The following CDKL4 variants were observed in gnomAD, a reference collection of about 807,000 sequenced individuals.
The protein encoded by CDKL4 is cyclin-dependent kinase-like 4.
CDKL4 carries 44 observed loss-of-function variants against 42.0 expected under a neutral mutation model. The observed-to-expected ratio is 1.05, with a 90% CI of 0.82 to 1.35. The LOEUF (loss-of-function observed/expected upper bound fraction) is 1.35. Among genes scored for constraint, CDKL4 ranks in the 40% most tolerant of loss-of-function variants. CDKL4 has a pLI of 0.00. For synonymous variants in CDKL4, 120 were observed against 121.6 expected (o/e 0.99, Z 0.09); for missense variants, 393 against 369.9 (o/e 1.06, Z -0.51).
At chr2:39,211,214 C>A (rs919148152) in intron 4 of CDKL4, among the ~76,000 whole-genome samples, 6 of 152,102 alleles carry the variant, frequency 3.9e-5, no homozygotes, top group Non-Finnish European at 5.9e-5. Context: ...GATAGTGAGA[C>A]CCCCATCTCT....
chr2:39,196,771 C>A (rs1017647092), intron 5 of CDKL4, among the ~76,000 whole-genome samples: 2 of 152,146 alleles, frequency 1.3e-5, no homozygotes, highest in Non-Finnish European at 2.9e-5. Context: ...CCACGCCCGG[C>A]TAATTTTTGA....
At position 39,214,150 on chromosome 2, in the gene CDKL4, C is replaced by T. The variant is rs139769295; in HGVS notation, c.291-678G>A. ...GTTGGCCAGGCTGGTCTTGAACTCT[C>T]GACCTCAGATGATCCACCTGCCTCG... is the stretch of plus-strand genomic sequence containing the variant. On this transcript the variant is annotated intron_variant, in intron 3 of 9. Coordinates refer to ENST00000451199, the Ensembl canonical transcript of CDKL4. 7.5e-3 allele frequency among the ~76,000 whole-genome samples: 1,139 copies of T among 152,110 alleles called. 14 individuals are homozygous for T. The highest frequency in any genetic ancestry group is 0.026 in the African/African-American group (1,085 of 41,502).
the CDKL4 span, among the ~76,000 whole-genome samples, chr2:39,169,639 A>G: frequency 5.9e-5 from 9 of 152,154 alleles, no homozygotes; most frequent in Admixed American, 5.2e-4. Flanking sequence ...CTACTCTCTT[A>G]TTTTACAAAT....
At chr2:39,235,272 T>C (rs1400471689) in intron 1 of CDKL4, among the ~76,000 whole-genome samples, 2 of 152,154 alleles carry the variant, frequency 1.3e-5, no homozygotes, top group African/African-American at 4.8e-5. Context: ...AAGAGTTGAC[T>C]GGAAAAATTT....
At chr2:39,207,609 G>A (rs1677283641) in intron 4 of CDKL4, among the ~76,000 whole-genome samples, 1 of 152,256 alleles carries the variant, frequency 6.6e-6, no homozygotes, top group South Asian at 2.1e-4. Context: ...ATCAATATCT[G>A]TCCATTGGCC....
chr2:39,243,113 C>CAAAAAAAAAA (rs57132937), intron 1 of CDKL4, among the ~76,000 whole-genome samples: 7 of 38,444 alleles, frequency 1.8e-4, no homozygotes, highest in Non-Finnish European at 2.4e-4. Context: ...GACCCTGTCT[C>CAAAAAAAAAA]AAAAAAAAAA....
At chr2:39,194,816 CATA>C (rs767840925) in intron 5 of CDKL4, among the ~76,000 whole-genome samples, 64 of 152,222 alleles carry the variant, frequency 4.2e-4, no homozygotes, top group Middle Eastern at 3.4e-3. Context: ...GTAAAATACA[CATA>C]ATATAAAATT....
At chr2:39,195,844 G>A (rs1676483788) in intron 5 of CDKL4, among the ~76,000 whole-genome samples, 1 of 151,812 alleles carries the variant, frequency 6.6e-6, no homozygotes, top group Non-Finnish European at 1.5e-5. Context: ...CTATTCTGAT[G>A]GCTTCTGAGG....
At chr2:39,198,009 T>C (rs996066996) in intron 5 of CDKL4, among the ~76,000 whole-genome samples, 1 of 152,068 alleles carries the variant, frequency 6.6e-6, no homozygotes, top group Non-Finnish European at 1.5e-5. Context: ...TGGATGTAAA[T>C]GGCTTAAATG....
intron 3 of CDKL4, among the ~76,000 whole-genome samples, chr2:39,223,695 C>T (rs1678519755): frequency 6.6e-6 from 1 of 151,012 alleles, no homozygotes; most frequent in Non-Finnish European, 1.5e-5. Context: ...TCACTGCAGC[C>T]TTCACCTCTT....
intron 5 of CDKL4, among the ~76,000 whole-genome samples, chr2:39,200,453 A>C (rs1393320553): frequency 6.6e-6 from 1 of 151,970 alleles, no homozygotes; most frequent in African/African-American, 2.4e-5. Context: ...CCATCAAAAT[A>C]CCCCCATCAT....
intron 9 of CDKL4, chr2:39,178,928 T>C: frequency 6.9e-7 from 1 of 1,448,332 alleles, no homozygotes; most frequent in African/African-American, 1.4e-5. Context: ...GGGTGGGATA[T>C]CCAATCAGAG....
At chr2:39,203,998 T>C (rs1677008643) in intron 5 of CDKL4, among the ~76,000 whole-genome samples, 1 of 152,184 alleles carries the variant, frequency 6.6e-6, no homozygotes, top group African/African-American at 2.4e-5. Flanking sequence ...AAGTTCTAGA[T>C]TGAGGGAGAA....
intron 7 of CDKL4, 87 bp downstream of exon 7, chr2:39,187,540 A>T: frequency 2.1e-6 from 2 of 937,680 alleles, no homozygotes; most frequent in Non-Finnish European, 3.2e-6. Flanking sequence ...GTGAGACATC[A>T]TCTCAAAATA....
At chr2:39,180,844 C>T (rs774697068) in intron 8 of CDKL4, among the ~76,000 whole-genome samples, 5 of 152,148 alleles carry the variant, frequency 3.3e-5, no homozygotes, top group Non-Finnish European at 7.3e-5. Context: ...GCATGCACCA[C>T]CATGCTGAGT....
At chr2:39,208,195 C>T (rs1677328772) in intron 4 of CDKL4, among the ~76,000 whole-genome samples, 1 of 152,112 alleles carries the variant, frequency 6.6e-6, no homozygotes, top group African/African-American at 2.4e-5. Flanking sequence ...GATGCTTAGA[C>T]ATACAGCATT....
At chr2:39,185,155 T>C (rs1464425371) in intron 7 of CDKL4, among the ~76,000 whole-genome samples, 1 of 137,132 alleles carries the variant, frequency 7.3e-6, no homozygotes, top group Admixed American at 7.5e-5. Flanking sequence ...TGTGTATATA[T>C]ATACACATAT....
chr2:39,232,932 C>T (rs957786721), intron 1 of CDKL4, among the ~76,000 whole-genome samples: 2 of 150,732 alleles, frequency 1.3e-5, no homozygotes, highest in African/African-American at 4.9e-5. Context: ...GTAGTCCCAG[C>T]TACTCAGGAG....
In CDKL4 at chr2:39,216,153, A is replaced by G. The variant is rs114425267; in HGVS notation, c.291-2681T>C. ...ACCTTCAATTTTCCTCATGTGTAAT[A>G]CTAGAATAATATCTTATAAGTTATT... On this transcript the variant is annotated intron_variant, in intron 3 of 9. Transcript: ENST00000451199. 7.3e-3 allele frequency among the ~76,000 whole-genome samples: 1,115 copies of G among 152,314 alleles called. 11 individuals are homozygous for G. Among genetic ancestry groups the G allele is most frequent in the African/African-American group, 0.026 (1,070 of 41,564 alleles).
Sources: allele counts gnomAD v4.1 joint callset (sites outside exome capture counted in the v4.1 genomes callset), GRCh38; gene constraint gnomAD v4.1.1; transcripts MANE v1.5; gene names NCBI Gene and HGNC (gene_info 2026-07-23, HGNC 2026-07-21).